SCML4: variants seen among roughly 807,000 people sequenced by gnomAD.
The protein encoded by SCML4 is sex comb on midleg-like protein 4.
SCML4 carries 34 observed loss-of-function variants against 41.1 expected under a neutral mutation model. The ratio of observed to expected loss-of-function variants is 0.83; its 90% CI spans 0.63 to 1.10. The LOEUF (loss-of-function observed/expected upper bound fraction) is 1.10. Among genes scored for constraint, SCML4 ranks in the 50% least tolerant of loss-of-function variants. The pLI is 0.00. For missense variants in SCML4, 522 were observed against 534.1 expected (o/e 0.98, Z 0.22); for synonymous variants, 214 against 220.9 (o/e 0.97, Z 0.28).
rs1413245043 is a variant in SCML4, at chr6:107,720,973, C to G, written c.703G>C (p.Glu235Gln). The part of the protein sequence containing the change: ...MESVKTVTTE[E>Q]YLVNPVGMNR... ...ATGCCCACAGGGTTCACCAGGTACT[C>G]TTCGGTGGTGACTGTCTTGACTAAG... The change falls in exon 6 of 8, where the codon GAG (glutamate) becomes CAG (glutamine). Residue 235 changes from glutamate (E) to glutamine (Q), a missense_variant. Coordinates refer to ENST00000369020, the MANE Select transcript of SCML4 (RefSeq NM_198081.5). The G allele has an allele frequency of 6.2e-7, 1 of 1,611,488 alleles. No homozygotes were observed. Among genetic ancestry groups the G allele is most frequent in the Non-Finnish European group, 8.5e-7 (1 of 1,178,740 alleles).
intron 1 of SCML4, among the ~76,000 whole-genome samples, chr6:107,820,903 T>C (rs9373984): frequency 0.46 from 70,620 of 152,076 alleles, 17,737 homozygotes; most frequent in East Asian, 0.73. Context: ...GATTCAAACA[T>C]TCCAAGCTGC....
intron 5 of SCML4, among the ~76,000 whole-genome samples, chr6:107,729,615 C>T (rs1776340537): frequency 6.6e-6 from 1 of 152,116 alleles, no homozygotes; most frequent in Non-Finnish European, 1.5e-5. Context: ...AATGTACATC[C>T]ACGACATATA....
In SCML4 at chr6:107,746,773, C is replaced by T. The variant is rs1226255536; in HGVS notation, c.403G>A (p.Val135Ile). 31 of 1,613,736 alleles carry T rather than the reference C, an allele frequency of 1.9e-5. No individual in the cohort carries two copies. The highest frequency in any genetic ancestry group is 4.5e-5 in the East Asian group (2 of 44,900). Reference sequence around the variant, plus strand: ...TGGGCGCAGTCGATGCAGGCTTGGACGGCCTGCTGCAGCACCGCCGATGGC... The same window carrying T: ...TGGGCGCAGTCGATGCAGGCTTGGATGGCCTGCTGCAGCACCGCCGATGGC... ...ERPSAVLQQA[V>I]QACIDCAHQQ... The change falls in exon 4 of 8, where the codon GTC becomes ATC. Residue 135 changes from valine to isoleucine, a missense_variant. Coordinates refer to ENST00000369020, the MANE Select transcript of SCML4 (RefSeq NM_198081.5).
At chr6:107,739,057 G>T (rs925741307) in intron 5 of SCML4, among the ~76,000 whole-genome samples, 1 of 152,102 alleles carries the variant, frequency 6.6e-6, no homozygotes, top group South Asian at 2.1e-4. Context: ...ACTATCTTCT[G>T]AGAGTTCCAT....
chr6:107,829,431 T>C, the SCML4 span, among the ~76,000 whole-genome samples: 6 of 151,946 alleles, frequency 3.9e-5, no homozygotes, highest in African/African-American at 1.2e-4. Flanking sequence ...TCCTTGGTGA[T>C]AGAATTTTTA....
At chr6:107,827,369 T>C (rs1326807176), upstream of SCML4, among the ~76,000 whole-genome samples, 4 of 148,942 alleles carry the variant, frequency 2.7e-5, no homozygotes, top group Non-Finnish European at 5.9e-5. Context: ...TTTATTTAAA[T>C]ATATCTGTAT....
chr6:107,731,254 G>C (rs889429462), intron 5 of SCML4, among the ~76,000 whole-genome samples: 1 of 152,172 alleles, frequency 6.6e-6, no homozygotes, highest in Non-Finnish European at 1.5e-5. Flanking sequence ...TAGGACACAA[G>C]GCTTAACTGC....
At chr6:107,770,170 G>C (rs1219124920) in intron 2 of SCML4, among the ~76,000 whole-genome samples, 1 of 152,154 alleles carries the variant, frequency 6.6e-6, no homozygotes, top group Non-Finnish European at 1.5e-5. Flanking sequence ...AAACTGGGGA[G>C]ATTAATAGGT....
At chr6:107,779,632 T>G (rs112480047) in intron 1 of SCML4, among the ~76,000 whole-genome samples, 3,989 of 152,246 alleles carry the variant, frequency 0.026, 153 homozygotes, top group African/African-American at 0.08. Flanking sequence ...TAACTCACTG[T>G]CATTTCGAAA....
At chr6:107,750,923 G>A (rs545403585) in intron 2 of SCML4, among the ~76,000 whole-genome samples, 8 of 152,212 alleles carry the variant, frequency 5.3e-5, no homozygotes, top group South Asian at 4.1e-4. Context: ...CTTCACTTTC[G>A]TCCTGGATTT....
At chr6:107,739,278 A>C (rs1312075999) in intron 5 of SCML4, among the ~76,000 whole-genome samples, 3 of 151,976 alleles carry the variant, frequency 2.0e-5, no homozygotes, top group Admixed American at 6.5e-5. Context: ...TTACTTATTT[A>C]GTCTCAGTTC....
At chr6:107,739,834 C>T (rs372687675) in intron 5 of SCML4, among the ~76,000 whole-genome samples, 59 of 152,290 alleles carry the variant, frequency 3.9e-4, no homozygotes, top group East Asian at 3.7e-3. Flanking sequence ...TCCCTAATGG[C>T]GTCATTGTAG....
intron 1 of SCML4, among the ~76,000 whole-genome samples, chr6:107,774,711 C>G (rs190556443): frequency 1.3e-5 from 2 of 151,966 alleles, no homozygotes; most frequent in East Asian, 3.9e-4. Flanking sequence ...CATCAAGATC[C>G]GAAGTCAACA....
chr6:107,734,795 A>G (rs529998451), intron 5 of SCML4, among the ~76,000 whole-genome samples: 1 of 152,184 alleles, frequency 6.6e-6, no homozygotes, highest in Non-Finnish European at 1.5e-5. Flanking sequence ...TATGGCCCTA[A>G]GTGTCAGGAA....
rs1773261358 is a variant in SCML4, at chr6:107,702,476, A to T, written c.*2724T>A. On this transcript the variant is annotated 3_prime_UTR_variant, in exon 8 of 8. Coordinates refer to ENST00000369020, the MANE Select transcript of SCML4 (RefSeq NM_198081.5). ...GGGTAGGAAGTTTTGAAAACTTGATACTGGAAGTCACTACATGAGGTATCT... is the reference window on the plus strand; with the variant it reads ...GGGTAGGAAGTTTTGAAAACTTGATTCTGGAAGTCACTACATGAGGTATCT... Among the ~76,000 whole-genome samples, 1 of 152,210 alleles carries T rather than the reference A, an allele frequency of 6.6e-6. No individual in the cohort carries two copies. The highest frequency in any genetic ancestry group is 1.5e-5 in the Non-Finnish European group (1 of 68,042).
At chr6:107,811,590 A>G (rs1364459959) in intron 1 of SCML4, among the ~76,000 whole-genome samples, 1 of 152,224 alleles carries the variant, frequency 6.6e-6, no homozygotes, top group Non-Finnish European at 1.5e-5. Flanking sequence ...AAAAGGCATC[A>G]GCCTAAATGG....
intron 2 of SCML4, among the ~76,000 whole-genome samples, chr6:107,761,807 TC>T (rs1480756620): frequency 5.7e-4 from 7 of 12,298 alleles, no homozygotes; most frequent in South Asian, 6.8e-3. Context: ...GAAAAAAAAG[TC>T]TTTTTTTTTT....
At chr6:107,806,450 T>C (rs1783736795) in intron 1 of SCML4, among the ~76,000 whole-genome samples, 1 of 152,210 alleles carries the variant, frequency 6.6e-6, no homozygotes, top group Non-Finnish European at 1.5e-5. Context: ...AATTAACAAA[T>C]ATAAGTAACG....
intron 1 of SCML4, among the ~76,000 whole-genome samples, chr6:107,775,277 T>A (rs1780845325): frequency 6.6e-6 from 1 of 152,236 alleles, no homozygotes; most frequent in African/African-American, 2.4e-5. Flanking sequence ...TCCATGCCTC[T>A]CCTTCCTCAG....
Sources: allele counts gnomAD v4.1 joint callset (sites outside exome capture counted in the v4.1 genomes callset), GRCh38; gene constraint gnomAD v4.1.1; transcripts MANE v1.5; gene names NCBI Gene and HGNC (gene_info 2026-07-23, HGNC 2026-07-21).